PPP1R14C: variants seen among roughly 807,000 people sequenced by gnomAD.
PPP1R14C encodes the protein protein phosphatase 1 regulatory subunit 14C.
PPP1R14C carries 16 observed loss-of-function variants against 20.4 expected under a neutral mutation model. The observed-to-expected ratio is 0.78, with a 90% CI of 0.53 to 1.19. The LOEUF is 1.19. PPP1R14C is among the 50% of genes most tolerant of loss of function. PPP1R14C has a pLI of 0.00. For synonymous variants in PPP1R14C, 91 were observed against 91.0 expected, an observed-to-expected ratio of 1.00 and a Z score of 0.00; for missense variants, 211 against 220.1, an observed-to-expected ratio of 0.96 and a Z score of 0.26.
At chr6:150,220,804 A>G (rs1778158136) in intron 3 of PPP1R14C, among the ~76,000 whole-genome samples, 1 of 152,214 alleles carries the variant, frequency 6.6e-6, no homozygotes, top group African/African-American at 2.4e-5. Flanking sequence ...ATGTCTAGGG[A>G]ACCAATATTT....
chr6:150,243,832 G>A (rs1352678484), intron 3 of PPP1R14C, among the ~76,000 whole-genome samples: 2 of 152,172 alleles, frequency 1.3e-5, no homozygotes, highest in African/African-American at 4.8e-5. Context: ...ATGCTACTCA[G>A]CAACAGAAAA....
chr6:150,152,530 G>T (rs1224555559), intron 1 of PPP1R14C, among the ~76,000 whole-genome samples: 1 of 152,104 alleles, frequency 6.6e-6, no homozygotes, highest in Non-Finnish European at 1.5e-5. Context: ...TCAGCTATCA[G>T]CTGAGTCCCT....
intron 3 of PPP1R14C, among the ~76,000 whole-genome samples, chr6:150,221,793 ATTTAT>A (rs1334654530): frequency 1.3e-5 from 2 of 148,214 alleles, no homozygotes; most frequent in Non-Finnish European, 2.9e-5. Context: ...AATTTTTAAA[ATTTAT>A]TTTATTTTAA....
chr6:150,233,827 C>T (rs1778320864), intron 3 of PPP1R14C, among the ~76,000 whole-genome samples: 1 of 152,018 alleles, frequency 6.6e-6, no homozygotes. Context: ...GTGGCTGGAG[C>T]TCATCCTGAC....
chr6:150,190,572 G>A (rs796666743), intron 1 of PPP1R14C, among the ~76,000 whole-genome samples: 3 of 151,870 alleles, frequency 2.0e-5, no homozygotes, highest in Admixed American at 6.6e-5. Flanking sequence ...GACTACAGGC[G>A]CATGCCAGCA....
intron 1 of PPP1R14C, among the ~76,000 whole-genome samples, chr6:150,184,569 T>G (rs2144400): frequency 0.88 from 133,821 of 151,630 alleles, 59,417 homozygotes; most frequent in East Asian, 1. Context: ...TGGCCACATG[T>G]TGTGTTTTGT....
intron 3 of PPP1R14C, among the ~76,000 whole-genome samples, chr6:150,238,572 G>T (rs576939023): frequency 6.6e-6 from 1 of 152,378 alleles, no homozygotes; most frequent in Admixed American, 6.5e-5. Flanking sequence ...TCCTTTGCCC[G>T]CAGGGCACCC....
chr6:150,174,699 T>G (rs956346121), intron 1 of PPP1R14C, among the ~76,000 whole-genome samples: 1 of 150,658 alleles, frequency 6.6e-6, no homozygotes, highest in African/African-American at 2.4e-5. Context: ...GCGCAGTGGC[T>G]CACGCCTGTA....
intron 3 of PPP1R14C, among the ~76,000 whole-genome samples, chr6:150,221,445 A>G (rs1202048217): frequency 6.6e-6 from 1 of 152,204 alleles, no homozygotes; most frequent in Admixed American, 6.5e-5. Flanking sequence ...AATGCCTATC[A>G]ATTAATGGTG....
chr6:150,159,223 A>G lies in PPP1R14C; in HGVS notation c.306+15725A>G, dbSNP rs146037531. Among the ~76,000 whole-genome samples the G allele has an allele frequency of 6.4e-3, 978 of 152,346 alleles. 8 individuals carry two copies. The highest frequency in any genetic ancestry group is 0.022 in the African/African-American group (901 of 41,574). The stretch of plus-strand genomic sequence containing the variant: ...CGTATACTGAAGATCTGTGCAGTTT[A>G]GGATATGTAAATTATATCTCAGTAA... On this transcript the variant is annotated intron_variant, in intron 1 of 3. Transcript: ENST00000361131.
chr6:150,245,466 T>C (rs1216336537), intron 3 of PPP1R14C, among the ~76,000 whole-genome samples: 1 of 152,182 alleles, frequency 6.6e-6, no homozygotes, highest in Non-Finnish European at 1.5e-5. Context: ...TCCGCCACAG[T>C]CACCCTGTCC....
chr6:150,217,733 C>T (rs1778113072), intron 3 of PPP1R14C, among the ~76,000 whole-genome samples: 1 of 152,152 alleles, frequency 6.6e-6, no homozygotes, highest in African/African-American at 2.4e-5. Flanking sequence ...AAGAGAAGTA[C>T]TTTCTTCCTC....
intron 1 of PPP1R14C, among the ~76,000 whole-genome samples, chr6:150,162,698 T>A (rs150873528): frequency 6.6e-6 from 1 of 152,152 alleles, no homozygotes; most frequent in Non-Finnish European, 1.5e-5. Flanking sequence ...ATTAGTGAGG[T>A]CAAAATGCCA....
chr6:150,200,832 T>C (rs1361139313), intron 1 of PPP1R14C, among the ~76,000 whole-genome samples: 5 of 152,172 alleles, frequency 3.3e-5, no homozygotes, highest in Non-Finnish European at 7.3e-5. Context: ...CCTGAGTGTG[T>C]GAAAGCTGTC....
At chr6:150,215,363 A>G (rs1562271813) in intron 2 of PPP1R14C, among the ~76,000 whole-genome samples, 1 of 152,236 alleles carries the variant, frequency 6.6e-6, no homozygotes, top group Non-Finnish European at 1.5e-5. Context: ...TCCTTAGTGG[A>G]CAGCAATAAA....
intron 1 of PPP1R14C, among the ~76,000 whole-genome samples, chr6:150,212,746 C>T (rs746175133): frequency 3.3e-5 from 5 of 152,176 alleles, no homozygotes; most frequent in African/African-American, 1.2e-4. Flanking sequence ...CTGTTTTTAA[C>T]GTACCGTTTC....
At chr6:150,236,612 A>AGTGTGTGTGTGTGTGTGTGTGT (rs1778363289) in intron 3 of PPP1R14C, among the ~76,000 whole-genome samples, 8 of 76,068 alleles carry the variant, frequency 1.1e-4, no homozygotes, top group African/African-American at 6.3e-4. Flanking sequence ...GGTTGGTGCC[A>AGTGTGTGTGTGTGTGTGTGTGT]CTGTGTGTGT....
intron 1 of PPP1R14C, among the ~76,000 whole-genome samples, chr6:150,191,336 A>G (rs1168653689): frequency 1.3e-5 from 2 of 152,186 alleles, no homozygotes; most frequent in African/African-American, 2.4e-5. Context: ...GATTCTGTCA[A>G]TTTTGTTTCC....
intron 1 of PPP1R14C, among the ~76,000 whole-genome samples, chr6:150,149,155 A>G (rs1777213348): frequency 1.3e-5 from 2 of 152,224 alleles, no homozygotes; most frequent in African/African-American, 4.8e-5. Context: ...AACAGTGGTT[A>G]GGGAAATGCG....
Sources: allele counts gnomAD v4.1 joint callset (sites outside exome capture counted in the v4.1 genomes callset), GRCh38; gene constraint gnomAD v4.1.1; transcripts MANE v1.5; gene names NCBI Gene and HGNC (gene_info 2026-07-23, HGNC 2026-07-21).